STK32C: variants seen among roughly 807,000 people sequenced by gnomAD.
STK32C encodes the protein serine/threonine-protein kinase 32C.
STK32C carries 31 observed loss-of-function variants against 56.5 expected under a neutral mutation model. The observed-to-expected ratio is 0.55, with a 90% CI of 0.41 to 0.74. The LOEUF (loss-of-function observed/expected upper bound fraction) is 0.74. STK32C is among the 30% of genes least tolerant of loss of function. The pLI is 0.00. For missense variants in STK32C, 544 were observed against 676.9 expected, an observed-to-expected ratio of 0.80 and a Z score of 2.18; for synonymous variants, 309 against 289.4, an observed-to-expected ratio of 1.07 and a Z score of -0.69.
chr10:132,286,072 G>A (rs1164541283), intron 1 of STK32C, among the ~76,000 whole-genome samples: 1 of 151,796 alleles, frequency 6.6e-6, no homozygotes, highest in Non-Finnish European at 1.5e-5. Context: ...CTCGCAGTGA[G>A]CCGAGACTGA....
chr10:132,218,681 C>T (rs530747564), intron 10 of STK32C, among the ~76,000 whole-genome samples: 8 of 152,250 alleles, frequency 5.3e-5, no homozygotes, highest in South Asian at 2.1e-4. Context: ...TATGACCCAG[C>T]GGGTTCATGC....
In STK32C at chr10:132,324,111, G is replaced by A. The variant is rs41311237; in HGVS notation, c.*123C>T. The A allele has an allele frequency of 3.5e-3, 2,230 of 638,870 alleles. 3 individuals are homozygous for A. Among genetic ancestry groups the A allele is most frequent in the Non-Finnish European group, 5.0e-3 (1,746 of 350,930 alleles). 39.6% of individuals were successfully genotyped at this position (638,870 alleles called of 1,614,324 possible). On this transcript the variant is annotated 3_prime_UTR_variant, in exon 2 of 2. Transcript: ENST00000368619. ...AAATTTCCAGCATATGAATTCCAGG[G>A]ACCCACTCCAATCACAGCAGCTGGG... is the stretch of plus-strand genomic sequence containing the variant.
chr10:132,231,265 A>T (rs1159463692), intron 2 of STK32C, among the ~76,000 whole-genome samples: 1 of 144,690 alleles, frequency 6.9e-6, no homozygotes, highest in Non-Finnish European at 1.5e-5. Context: ...ACTTGCCTCC[A>T]GCCTGTTACC....
intron 2 of STK32C, among the ~76,000 whole-genome samples, chr10:132,240,346 C>A (rs2063457721): frequency 6.6e-6 from 1 of 152,230 alleles, no homozygotes; most frequent in East Asian, 1.9e-4. Flanking sequence ...CACAGTCACA[C>A]ATGGCAGGGT....
At chr10:132,269,074 C>A (rs2064723342) in intron 1 of STK32C, among the ~76,000 whole-genome samples, 2 of 149,350 alleles carry the variant, frequency 1.3e-5, no homozygotes, top group African/African-American at 4.9e-5. Flanking sequence ...CATGTGTATG[C>A]AGGTGCAGCT....
At chr10:132,243,676 A>G (rs1234182588) in intron 2 of STK32C, among the ~76,000 whole-genome samples, 1 of 152,254 alleles carries the variant, frequency 6.6e-6, no homozygotes, top group Non-Finnish European at 1.5e-5. Flanking sequence ...AAACAAAAAC[A>G]AAAGCCAAGG....
intron 1 of STK32C, among the ~76,000 whole-genome samples, chr10:132,287,109 T>C (rs920289338): frequency 2.4e-4 from 37 of 152,296 alleles, no homozygotes; most frequent in African/African-American, 8.9e-4. Flanking sequence ...TCTGCAACAT[T>C]TGCACACTGA....
chr10:132,283,032 C>T (rs2065264463), intron 1 of STK32C, among the ~76,000 whole-genome samples: 2 of 152,232 alleles, frequency 1.3e-5, no homozygotes, highest in Admixed American at 1.3e-4. Flanking sequence ...AAAGGTCCAC[C>T]AAGGCGGACC....
chr10:132,307,387 G>T lies in STK32C; in HGVS notation c.262+185C>A, dbSNP rs528013244. On this transcript the variant is annotated intron_variant, in intron 1 of 11. Coordinates refer to ENST00000298630, the MANE Select transcript of STK32C (RefSeq NM_173575.4). The surrounding 1 kb of genome is among the most constrained non-coding windows in gnomAD (Gnocchi z 4.4). ...TGCGGCGCCGCCACTAGAAACGGAGGACGCGGGCGGGCGCCCAGAACTCGC... is the reference window on the plus strand; with the variant it reads ...TGCGGCGCCGCCACTAGAAACGGAGTACGCGGGCGGGCGCCCAGAACTCGC... Among the ~76,000 whole-genome samples the T allele has an allele frequency of 4.5e-3, 681 of 152,112 alleles. 5 individuals are homozygous for T. Among genetic ancestry groups the T allele is most frequent in the African/African-American group, 0.016 (658 of 41,530 alleles).
intron 11 of STK32C, 118 bp downstream of exon 11, chr10:132,208,916 G>C (rs2137547700): frequency 5.5e-6 from 5 of 906,814 alleles, no homozygotes; most frequent in South Asian, 4.7e-5. Context: ...TCCCCAAAGA[G>C]AGCAGGGCCA....
At chr10:132,227,920 T>C (rs1438345301) in intron 3 of STK32C, 57 bp downstream of exon 3, 1 of 1,588,482 alleles carries the variant, frequency 6.3e-7, no homozygotes, top group African/African-American at 1.3e-5. Context: ...GGATAGCCAG[T>C]GCCTTCCCGG....
intron 1 of STK32C, among the ~76,000 whole-genome samples, chr10:132,318,113 C>T (rs1420135914): frequency 6.6e-6 from 1 of 151,146 alleles, no homozygotes; most frequent in African/African-American, 2.4e-5. Flanking sequence ...ACTTAAAATA[C>T]AAAAATTAGC....
At chr10:132,325,724 CTT>C (rs541031233) in intron 1 of STK32C, among the ~76,000 whole-genome samples, 13,461 of 139,192 alleles carry the variant, frequency 0.097, 697 homozygotes, top group Middle Eastern at 0.16. Context: ...TTTGGTATGT[CTT>C]TTTTTTTTTT....
upstream of STK32C, among the ~76,000 whole-genome samples, chr10:132,312,574 A>G (rs187168462): frequency 6.6e-6 from 1 of 152,242 alleles, no homozygotes; most frequent in Non-Finnish European, 1.5e-5. Context: ...AAAAAGAGTC[A>G]TCGGTCCCAA....
chr10:132,313,591 C>T (rs7067965), intron 1 of STK32C, among the ~76,000 whole-genome samples: 1 of 152,262 alleles, frequency 6.6e-6, no homozygotes, highest in South Asian at 2.1e-4. Context: ...ATGAGGGACA[C>T]CCCCTCGAGG....
At chr10:132,239,160 G>A (rs960918042) in intron 2 of STK32C, among the ~76,000 whole-genome samples, 30 of 152,244 alleles carry the variant, frequency 2.0e-4, no homozygotes, top group Non-Finnish European at 2.9e-5. Flanking sequence ...CCCTCAGGAT[G>A]CTGGTGGGTA....
At chr10:132,317,642 G>A (rs961318116) in intron 1 of STK32C, among the ~76,000 whole-genome samples, 2 of 152,144 alleles carry the variant, frequency 1.3e-5, no homozygotes, top group South Asian at 2.1e-4. Context: ...TTAGAGGATC[G>A]CCTGAGCCCA....
Position 132,209,131 on chromosome 10 carries a change from G to C in STK32C, c.1252-30C>G, listed in dbSNP as rs199872684. On this transcript the variant is annotated intron_variant, in intron 10 of 11. Transcript: ENST00000298630. The stretch of plus-strand genomic sequence containing the variant: ...GGATGGAAAGGCACACGTGAGCGTG[G>C]GGGACGCTGTCCAGGTTCCGCCCAT... The C allele has an allele frequency of 6.2e-6, 10 of 1,603,536 alleles. No homozygotes were observed. The African/African-American group carries it at 1.2e-4, about 19-fold the overall frequency.
In STK32C at chr10:132,292,691, G is replaced by A. The variant is rs185949401; in HGVS notation, c.262+14881C>T. On this transcript the variant is annotated intron_variant, in intron 1 of 11. Coordinates refer to ENST00000298630, the MANE Select transcript of STK32C (RefSeq NM_173575.4). ...CCAGGTGCTCTGAGGGGCACCCAAC[G>A]CAAGACCCCCACCCAAAGCAGGCCC... Among the ~76,000 whole-genome samples the A allele has an allele frequency of 3.9e-3, 589 of 152,228 alleles. 2 individuals are homozygous for A. Among genetic ancestry groups the A allele is most frequent in the African/African-American group, 0.013 (527 of 41,534 alleles).
Sources: gnomAD v4.1 joint callset for allele counts (sites outside exome capture counted in the v4.1 genomes callset) on GRCh38, gnomAD v4.1.1 for gene constraint, Gnocchi (gnomAD v3.1) non-coding constraint, MANE v1.5 for transcripts, NCBI Gene and HGNC (gene_info 2026-07-23, HGNC 2026-07-21) for gene names.